Variants in GYS2 observed in about 807,000 individuals in gnomAD.
GYS2 encodes the protein glycogen [starch] synthase, liver.
A neutral mutation model predicts 85.6 loss-of-function variants in GYS2; 80 were observed. The observed-to-expected ratio is 0.93, with a 90% CI of 0.78 to 1.13. The LOEUF is 1.13. GYS2 is among the 50% of genes most tolerant of loss of function. The pLI is 0.00. For missense variants in GYS2, 881 were observed against 854.9 expected (o/e 1.03, Z -0.38); for synonymous variants, 328 against 300.7 (o/e 1.09, Z -0.94).
At chr12:21,547,240 T>C (rs1944052770) in intron 11 of GYS2, among the ~76,000 whole-genome samples, 1 of 152,186 alleles carries the variant, frequency 6.6e-6, no homozygotes, top group South Asian at 2.1e-4. Flanking sequence ...TATATATTAA[T>C]ACTTAAATTT....
At chr12:21,578,952 A>G (rs1300108049) in intron 2 of GYS2, among the ~76,000 whole-genome samples, 1 of 152,162 alleles carries the variant, frequency 6.6e-6, no homozygotes, top group Non-Finnish European at 1.5e-5. Context: ...TATATTTTAT[A>G]TTCATAGAAA....
chr12:21,539,468 G>A (rs1297733181), intron 14 of GYS2, 130 bp from the exon 15 acceptor site: 4 of 707,768 alleles, frequency 5.7e-6, no homozygotes, highest in Admixed American at 2.2e-5. Context: ...AATCTATGCA[G>A]TCTAAGTTTG....
intron 11 of GYS2, among the ~76,000 whole-genome samples, chr12:21,556,647 A>C (rs1229000916): frequency 6.6e-6 from 1 of 152,194 alleles, no homozygotes; most frequent in Admixed American, 6.5e-5. Flanking sequence ...TTAATCAGAA[A>C]CCGAACTCAG....
At chr12:21,539,675 C>T (rs941391276) in intron 14 of GYS2, among the ~76,000 whole-genome samples, 4 of 152,050 alleles carry the variant, frequency 2.6e-5, no homozygotes, top group Non-Finnish European at 5.9e-5. Context: ...CCTGAATATT[C>T]AGATAAATTG....
At chr12:21,591,966 A>G (rs902875601) in intron 1 of GYS2, among the ~76,000 whole-genome samples, 3 of 152,158 alleles carry the variant, frequency 2.0e-5, no homozygotes, top group Admixed American at 6.5e-5. Flanking sequence ...CTATCACTAG[A>G]CTGGCTTTAC....
Position 21,560,443 on chromosome 12 carries a change from T to G in GYS2, c.1112A>C (p.Lys371Thr), listed in dbSNP as rs1262849211. 1 of 1,609,930 alleles carries G rather than the reference T, an allele frequency of 6.2e-7. No homozygotes were observed. The highest frequency in any genetic ancestry group is 8.5e-7 in the Non-Finnish European group (1 of 1,176,236). Reference sequence around the variant, plus strand: ...GGTTTCCACGTTGAAATTATTTGTCTTGGCAGGCATAATGAAAAACACCAT... The same window carrying G: ...GGTTTCCACGTTGAAATTATTTGTCGTGGCAGGCATAATGAAAAACACCAT... The part of the protein sequence containing the change: ...TVMVFFIMPA[K>T]TNNFNVETLK... The change falls in exon 8 of 16, where the codon AAG becomes ACG. Residue 371 changes from lysine (K) to threonine (T), a missense_variant. By Grantham distance (78) the Lys-to-Thr change is moderately conservative (BLOSUM62 -1). Coordinates refer to ENST00000261195, the MANE Select transcript of GYS2 (RefSeq NM_021957.4).
intron 1 of GYS2, among the ~76,000 whole-genome samples, chr12:21,585,606 G>A (rs1944563847): frequency 6.6e-6 from 1 of 150,424 alleles, no homozygotes; most frequent in African/African-American, 2.4e-5. Flanking sequence ...TGCTTGCTGA[G>A]GGCAAAGGGA....
chr12:21,560,411 C>G lies in GYS2; in HGVS notation c.1144G>C (p.Gly382Arg), dbSNP rs1201887690. The G allele has an allele frequency of 6.2e-7, 1 of 1,603,658 alleles. No homozygotes were observed. The highest frequency in any genetic ancestry group is 1.3e-5 in the African/African-American group (1 of 74,824). Residue 382 changes from glycine to arginine, a missense_variant, in exon 8 of 16, where the codon GGA becomes CGA. By Grantham distance (125) the Gly-to-Arg change is moderately radical. Coordinates refer to ENST00000261195, the MANE Select transcript of GYS2 (RefSeq NM_021957.4). ...CACAGCTGTTTTCGCACTGCTTGTCCTTTCAGGGTTTCCACGTTGAAATTA... is the reference window on the plus strand; with the variant it reads ...CACAGCTGTTTTCGCACTGCTTGTCGTTTCAGGGTTTCCACGTTGAAATTA... ...TNNFNVETLK[G>R]QAVRKQLWDV...
At chr12:21,546,532 CCTA>C in intron 11 of GYS2, 62 bp from the exon 12 acceptor site, 1 of 1,168,502 alleles carries the variant, frequency 8.6e-7, no homozygotes, top group Non-Finnish European at 1.2e-6. Flanking sequence ...TGAAAAATCT[CCTA>C]CAATTTGGTT....
At chr12:21,535,278 G>T (rs1448830992), downstream of GYS2, among the ~76,000 whole-genome samples, 1 of 151,998 alleles carries the variant, frequency 6.6e-6, no homozygotes, top group African/African-American at 2.4e-5. Context: ...AGTATCATTT[G>T]AATAGACACG....
chr12:21,553,204 T>C (rs1310923751), intron 11 of GYS2, among the ~76,000 whole-genome samples: 6 of 152,204 alleles, frequency 3.9e-5, no homozygotes, highest in Admixed American at 1.3e-4. Flanking sequence ...CAGGAGCCAC[T>C]GCGCTTGGCC....
intron 1 of GYS2, among the ~76,000 whole-genome samples, chr12:21,596,186 A>G (rs138844890): frequency 1.3e-5 from 2 of 152,280 alleles, no homozygotes; most frequent in African/African-American, 4.8e-5. Flanking sequence ...TCAAAGAGGA[A>G]TTGGTCCCCA....
chr12:21,567,239 G>T (rs1450812666), intron 5 of GYS2, among the ~76,000 whole-genome samples: 1 of 152,160 alleles, frequency 6.6e-6, no homozygotes, highest in Non-Finnish European at 1.5e-5. Flanking sequence ...TTGGCAGCAG[G>T]AGAAAGGAGG....
Position 21,604,559 on chromosome 12 carries a change from G to A in GYS2, c.34C>T (p.Leu12=), listed in dbSNP as rs371246172. The A allele has an allele frequency of 6.8e-6, 11 of 1,612,496 alleles. No individual in the cohort carries two copies. In the African/African-American group the frequency reaches 1.3e-4, roughly 20 times the overall value. Residue 12 remains leucine (L), a synonymous_variant, in exon 1 of 16, where the codon CTG becomes TTG. Transcript: ENST00000261195. The part of the protein sequence containing the change: ...LRGRSLSVTS[L]GGLPQWEVEE... Reference sequence around the variant, plus strand: ...ACTTCCCACTGGGGAAGCCCACCCAGGGATGTTACAGAGAGGGATCGGCCT... The same window carrying A: ...ACTTCCCACTGGGGAAGCCCACCCAAGGATGTTACAGAGAGGGATCGGCCT...
At chr12:21,600,418 A>G (rs140483727) in intron 1 of GYS2, among the ~76,000 whole-genome samples, 208 of 152,234 alleles carry the variant, frequency 1.4e-3, no homozygotes, top group African/African-American at 4.7e-3. Context: ...GTGAATCACC[A>G]TGCTGGGCCT....
chr12:21,559,340 C>T (rs894058803), intron 9 of GYS2, among the ~76,000 whole-genome samples, 171 bp from the exon 10 acceptor site: 1 of 151,830 alleles, frequency 6.6e-6, no homozygotes, highest in Middle Eastern at 3.4e-3. Context: ...ATATTTAATA[C>T]ACATTGTCAA....
At chr12:21,537,491 T>A (rs1199070622) in intron 15 of GYS2, 4 of 345,796 alleles carry the variant, frequency 1.2e-5, no homozygotes, top group Non-Finnish European at 2.2e-5. Flanking sequence ...AGGGGTCAAG[T>A]AACTTGCCCA....
At chr12:21,598,995 C>G (rs1212233917) in intron 1 of GYS2, among the ~76,000 whole-genome samples, 2 of 151,936 alleles carry the variant, frequency 1.3e-5, no homozygotes, top group Non-Finnish European at 2.9e-5. Flanking sequence ...TGCCAATTTA[C>G]TAAAAATCAC....
chr12:21,560,005 G>A (rs1944232831), intron 8 of GYS2, among the ~76,000 whole-genome samples: 1 of 152,140 alleles, frequency 6.6e-6, no homozygotes, highest in African/African-American at 2.4e-5. Flanking sequence ...GAAGGTATAG[G>A]TGTAACAAGA....
Sources: allele counts gnomAD v4.1 joint callset (sites outside exome capture counted in the v4.1 genomes callset), GRCh38; gene constraint gnomAD v4.1.1; transcripts MANE v1.5; gene names NCBI Gene and HGNC (gene_info 2026-07-23, HGNC 2026-07-21).